FRMD5: variants seen among roughly 807,000 people sequenced by gnomAD.
FRMD5 encodes the protein FERM domain containing 5, also known as FERM domain-containing protein 5.
In FRMD5, 20 loss-of-function variants were observed where a neutral mutation model predicts 69.0. The observed-to-expected ratio is 0.29, with a 90% confidence interval of 0.20 to 0.42. The LOEUF (loss-of-function observed/expected upper bound fraction) is 0.42, where lower values mean the gene tolerates loss of function less well. Ranked by LOEUF, FRMD5 falls within the 10% of genes least tolerant of loss-of-function variation. FRMD5 has a pLI of 1.00. For synonymous variants in FRMD5, 271 were observed against 260.1 expected, an observed-to-expected ratio of 1.04 and a Z score of -0.40; for missense variants, 595 against 708.6, an observed-to-expected ratio of 0.84 and a Z score of 1.82.
At chr15:43,930,391 G>C (rs1205909868) in intron 1 of FRMD5, among the ~76,000 whole-genome samples, 1 of 152,152 alleles carries the variant, frequency 6.6e-6, no homozygotes, top group African/African-American at 2.4e-5. Flanking sequence ...CCCTACCCAG[G>C]TACTCCCTTC....
At chr15:44,176,784 A>T (rs1048708489) in intron 1 of FRMD5, among the ~76,000 whole-genome samples, 2 of 152,178 alleles carry the variant, frequency 1.3e-5, no homozygotes, top group Non-Finnish European at 1.5e-5. Context: ...AAGATGCTCA[A>T]CATATTTAGT....
At chr15:44,012,353 T>A (rs148067313) in intron 1 of FRMD5, among the ~76,000 whole-genome samples, 4 of 152,328 alleles carry the variant, frequency 2.6e-5, no homozygotes, top group African/African-American at 9.6e-5. Context: ...TTTTGACACA[T>A]CTAGGCTTTG....
At chr15:44,024,610 T>G in intron 1 of FRMD5, among the ~76,000 whole-genome samples, 1 of 152,226 alleles carries the variant, frequency 6.6e-6, no homozygotes, top group East Asian at 1.9e-4. Context: ...TGTTCATTTC[T>G]TTTGATCATT....
At chr15:44,137,201 C>A (rs1444683490) in intron 1 of FRMD5, among the ~76,000 whole-genome samples, 1 of 152,216 alleles carries the variant, frequency 6.6e-6, no homozygotes, top group Admixed American at 6.5e-5. Context: ...GGAAGCAAGG[C>A]ACTCCTGTGC....
chr15:44,137,535 G>C (rs1326060677), intron 1 of FRMD5, among the ~76,000 whole-genome samples: 1 of 152,070 alleles, frequency 6.6e-6, no homozygotes, highest in African/African-American at 2.4e-5. Context: ...GAACTCTAGA[G>C]GTAAGGAAGC....
At chr15:43,967,904 C>T (rs1036448597) in intron 1 of FRMD5, among the ~76,000 whole-genome samples, 1 of 151,874 alleles carries the variant, frequency 6.6e-6, no homozygotes, top group African/African-American at 2.4e-5. Context: ...TGTCCTAATG[C>T]TCTCCCTCCC....
At chr15:44,124,013 CAG>C (rs1450164566) in intron 1 of FRMD5, among the ~76,000 whole-genome samples, 6 of 151,948 alleles carry the variant, frequency 3.9e-5, no homozygotes, top group Non-Finnish European at 5.9e-5. Context: ...TTTTTTGAGA[CAG>C]AGTTTTGCTC....
chr15:43,934,952 T>G (rs888852000), intron 1 of FRMD5, among the ~76,000 whole-genome samples: 2 of 152,158 alleles, frequency 1.3e-5, no homozygotes, highest in Non-Finnish European at 2.9e-5. Context: ...TCTTCAACTG[T>G]CCAGATAAAG....
intron 11 of FRMD5, among the ~76,000 whole-genome samples, chr15:43,885,268 G>GCTTA (rs200884120): frequency 0.016 from 2,490 of 152,310 alleles, 62 homozygotes; most frequent in African/African-American, 0.057. Flanking sequence ...GACCTCCTGA[G>GCTTA]CTTAAGCAAT....
At chr15:44,191,940 A>ATATG (rs2078204066) in intron 1 of FRMD5, among the ~76,000 whole-genome samples, 1 of 134,180 alleles carries the variant, frequency 7.5e-6, no homozygotes, top group African/African-American at 2.8e-5. Flanking sequence ...ATATATATAT[A>ATATG]TGTATCTCCA....
intron 1 of FRMD5, among the ~76,000 whole-genome samples, chr15:44,014,552 C>T (rs1268742206): frequency 6.6e-6 from 1 of 152,128 alleles, no homozygotes; most frequent in Non-Finnish European, 1.5e-5. Flanking sequence ...GCCTGGCCAA[C>T]ATGGTGAAAT....
At chr15:44,040,637 GC>G (rs1176345010) in intron 1 of FRMD5, among the ~76,000 whole-genome samples, 1 of 152,042 alleles carries the variant, frequency 6.6e-6, no homozygotes, top group African/African-American at 2.4e-5. Flanking sequence ...TCACCACCAG[GC>G]CTGCCTTACA....
At chr15:44,187,511 G>T (rs2696074) in intron 1 of FRMD5, among the ~76,000 whole-genome samples, 16,398 of 150,842 alleles carry the variant, frequency 0.11, 2,011 homozygotes, top group African/African-American at 0.31. Context: ...GTAGTCTGCT[G>T]TTAACTCAGC....
intron 1 of FRMD5, among the ~76,000 whole-genome samples, chr15:43,952,004 G>A (rs867958835): frequency 5.2e-5 from 6 of 116,496 alleles, no homozygotes; most frequent in African/African-American, 2.1e-4. Context: ...GTGTGTCTGT[G>A]TGTGTGTGTG....
At chr15:44,009,151 A>C (rs1046564044) in intron 1 of FRMD5, among the ~76,000 whole-genome samples, 1 of 152,250 alleles carries the variant, frequency 6.6e-6, no homozygotes, top group African/African-American at 2.4e-5. Flanking sequence ...AAATAAGGAA[A>C]TGAATAAAGA....
Position 44,033,394 on chromosome 15 carries a change from TA to T in FRMD5, c.103-109086del, listed in dbSNP as rs1013065777. On this transcript the variant is annotated intron_variant, in intron 1 of 13. Coordinates refer to ENST00000417257, the MANE Select transcript of FRMD5 (RefSeq NM_032892.5). ...CACATGTGCCTCCAAACCTAAAAGT[TA>T]AAAAAAAAATAAAGTTTTTCAAACT... Among the ~76,000 whole-genome samples, 7 of 149,354 alleles carry T rather than the reference TA, an allele frequency of 4.7e-5. No individual in the cohort carries two copies. The East Asian group carries it at 5.8e-4, about 12-fold the overall frequency.
chr15:44,047,979 C>T (rs567264271), intron 1 of FRMD5, among the ~76,000 whole-genome samples: 2 of 152,158 alleles, frequency 1.3e-5, no homozygotes, highest in South Asian at 2.1e-4. Context: ...GGGTTGTTTC[C>T]ACTCTTAAGC....
At chr15:43,905,547 C>T (rs915317661) in intron 6 of FRMD5, among the ~76,000 whole-genome samples, 11 of 152,214 alleles carry the variant, frequency 7.2e-5, no homozygotes, top group Admixed American at 2.6e-4. Context: ...AGATGCCTTT[C>T]AAAGGCCAAT....
intron 1 of FRMD5, among the ~76,000 whole-genome samples, chr15:44,163,100 A>G (rs2077650130): frequency 6.6e-6 from 1 of 151,842 alleles, no homozygotes; most frequent in South Asian, 2.1e-4. Context: ...CGTGAACCCG[A>G]GAGGCGGAGC....
Sources: allele counts gnomAD v4.1 joint callset (sites outside exome capture counted in the v4.1 genomes callset), GRCh38; gene constraint gnomAD v4.1.1; transcripts MANE v1.5; gene names NCBI Gene and HGNC (gene_info 2026-07-23, HGNC 2026-07-21).